Variants in GRIN2B observed in about 807,000 individuals in gnomAD.
GRIN2B encodes glutamate ionotropic receptor NMDA type subunit 2B.
GRIN2B carries 5 observed loss-of-function variants against 114.5 expected under a neutral mutation model. The observed-to-expected ratio is 0.04, with a 90% CI of 0.02 to 0.09. GRIN2B has a LOEUF of 0.09. Among genes scored for constraint, GRIN2B ranks in the 10% least tolerant of loss-of-function variants. GRIN2B has a pLI of 1.00. For synonymous variants in GRIN2B, 787 were observed against 745.1 expected, an observed-to-expected ratio of 1.06 and a Z score of -0.92; for missense variants, 1,108 against 1,943.5, an observed-to-expected ratio of 0.57 and a Z score of 8.08.
intron 2 of GRIN2B, among the ~76,000 whole-genome samples, chr12:13,920,640 G>A (rs1226717610): frequency 6.6e-6 from 1 of 152,134 alleles, no homozygotes; most frequent in African/African-American, 2.4e-5. Flanking sequence ...GGGGAAGGTG[G>A]AAGAGAAAAA....
In GRIN2B at chr12:13,733,656, C is replaced by G. The variant is rs1267343094; in HGVS notation, c.1010+19661G>C. 3.3e-5 allele frequency among the ~76,000 whole-genome samples: 5 copies of G among 152,206 alleles called. No individual in the cohort carries two copies. In the South Asian group the frequency reaches 8.3e-4, roughly 25 times the overall value. On this transcript the variant is annotated intron_variant, in intron 4 of 13. Coordinates refer to ENST00000609686, the MANE Select transcript of GRIN2B (RefSeq NM_000834.5). The stretch of plus-strand genomic sequence containing the variant: ...GTAGAGGCTCTTAATCTTCACTCCC[C>G]CTCTGAGACATTGTTGGCTGCTGTA...
At chr12:13,830,887 G>T (rs1387461446) in intron 3 of GRIN2B, among the ~76,000 whole-genome samples, 1 of 152,192 alleles carries the variant, frequency 6.6e-6, no homozygotes, top group East Asian at 1.9e-4. Flanking sequence ...ATGGAAAAAT[G>T]CAAGTGCTGT....
chr12:13,761,072 A>G (rs1027038930), intron 3 of GRIN2B, among the ~76,000 whole-genome samples: 12 of 152,204 alleles, frequency 7.9e-5, no homozygotes, highest in African/African-American at 2.9e-4. Context: ...ATACAGAATC[A>G]TGATCTTTCC....
chr12:13,815,607 G>A (rs945748079), intron 3 of GRIN2B, among the ~76,000 whole-genome samples: 1 of 152,098 alleles, frequency 6.6e-6, no homozygotes, highest in African/African-American at 2.4e-5. Context: ...AAGGACTTTG[G>A]GGAGTGTTTC....
chr12:13,633,703 T>C (rs1351020170), intron 5 of GRIN2B, among the ~76,000 whole-genome samples: 1 of 152,220 alleles, frequency 6.6e-6, no homozygotes, highest in Non-Finnish European at 1.5e-5. Context: ...ACTTATATCT[T>C]TCAATTGTCA....
At chr12:13,962,018 C>A (rs1477086542) in intron 2 of GRIN2B, among the ~76,000 whole-genome samples, 1 of 151,886 alleles carries the variant, frequency 6.6e-6, no homozygotes, top group East Asian at 1.9e-4. Flanking sequence ...TATGAATATA[C>A]CCTAAAGTTC....
intron 3 of GRIN2B, among the ~76,000 whole-genome samples, chr12:13,854,878 T>C (rs1156694817): frequency 6.6e-6 from 1 of 151,936 alleles, no homozygotes; most frequent in African/African-American, 2.4e-5. Context: ...TCAAGGCCTT[T>C]TCTAGGTACT....
At position 13,556,190 on chromosome 12, in the gene GRIN2B, C is replaced by T. The variant is rs1948477580; in HGVS notation, c.*6593G>A. On this transcript the variant is annotated 3_prime_UTR_variant, in exon 14 of 14. Transcript: ENST00000609686. Reference sequence around the variant, plus strand: ...TGTAATAATTTCAAAAGAATAAGTCCAGGCCTGGCCATGACATGGGAAGCT... The same window carrying T: ...TGTAATAATTTCAAAAGAATAAGTCTAGGCCTGGCCATGACATGGGAAGCT... The T allele has an allele frequency of 6.6e-6, 1 of 152,072 alleles. No individual in the cohort carries two copies. The highest frequency in any genetic ancestry group is 2.4e-5 in the African/African-American group (1 of 41,426). The allele number at this position is 152,072 out of a possible 1,614,324, so 9.4% of individuals were successfully genotyped here. A position where few individuals can be genotyped will look rare whatever the true frequency, so the allele number is the denominator to read the frequency against.
chr12:13,680,393 G>A (rs1313237084), intron 4 of GRIN2B, among the ~76,000 whole-genome samples: 1 of 150,396 alleles, frequency 6.6e-6, no homozygotes, highest in East Asian at 2.0e-4. Context: ...AAATGCAGAA[G>A]TTCTGCCCAT....
intron 2 of GRIN2B, among the ~76,000 whole-genome samples, chr12:13,979,014 CTTTG>C (rs1459493612): frequency 1.3e-4 from 20 of 152,336 alleles, no homozygotes; most frequent in Non-Finnish European, 2.1e-4. Context: ...CAGCACATCT[CTTTG>C]TTTAACACAA....
At chr12:13,741,314 G>A (rs929306831) in intron 4 of GRIN2B, among the ~76,000 whole-genome samples, 11 of 152,280 alleles carry the variant, frequency 7.2e-5, no homozygotes, top group African/African-American at 2.4e-4. Context: ...ACAGGCGTGA[G>A]CCACCGCGCC....
At chr12:13,867,264 A>G (rs1393814392) in intron 2 of GRIN2B, among the ~76,000 whole-genome samples, 2 of 152,224 alleles carry the variant, frequency 1.3e-5, no homozygotes, top group East Asian at 3.9e-4. Flanking sequence ...TTTACCTACA[A>G]AGAACTCCTT....
intron 2 of GRIN2B, among the ~76,000 whole-genome samples, chr12:13,948,725 A>C (rs1317295066): frequency 6.6e-6 from 1 of 152,172 alleles, no homozygotes; most frequent in Non-Finnish European, 1.5e-5. Context: ...CAGCATGCCA[A>C]GGATGGTGTG....
At chr12:13,905,247 C>T (rs1866517936) in intron 2 of GRIN2B, among the ~76,000 whole-genome samples, 1 of 152,082 alleles carries the variant, frequency 6.6e-6, no homozygotes, top group Non-Finnish European at 1.5e-5. Context: ...AAGGTCTCTC[C>T]CTGCTGCCTT....
rs569265904 is a variant in GRIN2B at position 13,645,501 on chromosome 12, C to T, written c.1126-28844G>A. ...CACAGAGACATGAAGTGAGCACATG[C>T]TGTTGGGAAAATGGCAGCTGTAGAC... On this transcript the variant is annotated intron_variant, in intron 5 of 13. Coordinates refer to ENST00000609686, the MANE Select transcript of GRIN2B (RefSeq NM_000834.5). Among the ~76,000 whole-genome samples, 32 of 152,054 alleles carry T rather than the reference C, an allele frequency of 2.1e-4. 1 individual carries two copies. The highest frequency in any genetic ancestry group is 4.0e-4 in the Non-Finnish European group (27 of 68,004).
intron 4 of GRIN2B, among the ~76,000 whole-genome samples, chr12:13,744,380 G>A (rs572833360): frequency 1.4e-4 from 22 of 152,254 alleles, no homozygotes; most frequent in African/African-American, 5.3e-4. Context: ...TACATAAATA[G>A]GTGCTGTCTG....
At position 13,964,060 on chromosome 12, in the gene GRIN2B, G is replaced by A. The variant is rs75894351; in HGVS notation, c.-19+15868C>T. 1.7e-3 allele frequency among the ~76,000 whole-genome samples: 265 copies of A among 152,306 alleles called. 1 individual carries two copies. The highest frequency in any genetic ancestry group is 6.2e-3 in the African/African-American group (258 of 41,562). On this transcript the variant is annotated intron_variant, in intron 2 of 13. Transcript: ENST00000609686. ...GCTAGAATTTGTTCTCAGGGCCTTA[G>A]ACAAGAGTCAGAGTCCATTAGGGTG...
intron 10 of GRIN2B, among the ~76,000 whole-genome samples, chr12:13,593,472 T>C (rs912924553): frequency 2.6e-5 from 4 of 152,042 alleles, no homozygotes; most frequent in Non-Finnish European, 4.4e-5. Flanking sequence ...ATAAATGGTG[T>C]TGGGAAAAGT....
rs151226751 is a variant in GRIN2B, at chr12:13,747,086, A to G, written c.1010+6231T>C. Among the ~76,000 whole-genome samples, 120 of 152,366 alleles carry G rather than the reference A, an allele frequency of 7.9e-4. No individual in the cohort carries two copies. The East Asian group carries it at 0.023, about 29-fold the overall frequency. ...AAATGCAAAAAGGAGGAAGGCGAAG[A>G]GAAAAATAAAAGGGAGGAGAAAGAG... On this transcript the variant is annotated intron_variant, in intron 4 of 13. Transcript: ENST00000609686.
Sources: gnomAD v4.1 joint callset for allele counts (sites outside exome capture counted in the v4.1 genomes callset) on GRCh38, gnomAD v4.1.1 for gene constraint, MANE v1.5 for transcripts, NCBI Gene and HGNC (gene_info 2026-07-23, HGNC 2026-07-21) for gene names.